The following PLCB1 variants were observed in gnomAD, a reference collection of about 807,000 sequenced individuals.
PLCB1 encodes the protein phospholipase C beta 1.
A neutral mutation model predicts 161.8 loss-of-function variants in PLCB1; 46 were observed. The ratio of observed to expected loss-of-function variants is 0.28; its 90% CI spans 0.22 to 0.36. The LOEUF (loss-of-function observed/expected upper bound fraction) is 0.36. Ranked by LOEUF, PLCB1 falls within the 10% of genes least tolerant of loss-of-function variation. The pLI, the probability that PLCB1 is intolerant of heterozygous loss-of-function variation, is 1.00. For synonymous variants in PLCB1, 517 were observed against 503.7 expected, an observed-to-expected ratio of 1.03 and a Z score of -0.35; for missense variants, 1,016 against 1,472.5, an observed-to-expected ratio of 0.69 and a Z score of 5.07.
At chr20:8,670,756 A>G (rs1989922722) in intron 9 of PLCB1, among the ~76,000 whole-genome samples, 1 of 152,234 alleles carries the variant, frequency 6.6e-6, no homozygotes, top group Non-Finnish European at 1.5e-5. Flanking sequence ...GTGCCCGGGC[A>G]AAGATAACTG....
intron 3 of PLCB1, among the ~76,000 whole-genome samples, chr20:8,557,007 T>TAAATA (rs1443498930): frequency 8.1e-6 from 1 of 123,846 alleles, no homozygotes; most frequent in African/African-American, 3.8e-5. Flanking sequence ...AATAAATAAA[T>TAAATA]AAATAAAATA....
At chr20:8,649,553 AG>A (rs1989254864) in intron 7 of PLCB1, 104 bp downstream of exon 7, 2 of 774,138 alleles carry the variant, frequency 2.6e-6, no homozygotes, top group Admixed American at 1.9e-5. Context: ...GGCCTTTAAG[AG>A]GAAATTAAGA....
intron 3 of PLCB1, among the ~76,000 whole-genome samples, chr20:8,582,164 A>T (rs1249868762): frequency 6.6e-6 from 1 of 152,144 alleles, no homozygotes; most frequent in East Asian, 1.9e-4. Context: ...TATTGTGGGG[A>T]TAGCCCAATG....
At chr20:8,190,712 G>A (rs949751148) in intron 2 of PLCB1, among the ~76,000 whole-genome samples, 4 of 152,078 alleles carry the variant, frequency 2.6e-5, no homozygotes, top group East Asian at 1.9e-4. Flanking sequence ...ATTTAAGGGC[G>A]AGCATTAACT....
intron 3 of PLCB1, among the ~76,000 whole-genome samples, chr20:8,423,096 C>G (rs1211637441): frequency 6.6e-6 from 1 of 152,070 alleles, no homozygotes; most frequent in African/African-American, 2.4e-5. Context: ...TACAACTTAA[C>G]CAGTTTTATT....
At chr20:8,717,904 C>T in intron 14 of PLCB1, 56 bp downstream of exon 14, 7 of 1,526,728 alleles carry the variant, frequency 4.6e-6, no homozygotes, top group Middle Eastern at 1.8e-4. Flanking sequence ...AGAATTGCTG[C>T]TCTGGGCTGT....
At chr20:8,232,384 A>G (rs1290514553) in intron 2 of PLCB1, among the ~76,000 whole-genome samples, 9 of 152,218 alleles carry the variant, frequency 5.9e-5, no homozygotes, top group Admixed American at 3.9e-4. Context: ...AATCAAATGC[A>G]AAATTATAAG....
chr20:8,264,497 A>G (rs1367377301), intron 2 of PLCB1, among the ~76,000 whole-genome samples: 1 of 152,208 alleles, frequency 6.6e-6, no homozygotes, highest in Non-Finnish European at 1.5e-5. Flanking sequence ...ATTATGTACT[A>G]TACATAATTT....
chr20:8,649,671 C>T, intron 7 of PLCB1: 2 of 540,628 alleles, frequency 3.7e-6, no homozygotes, highest in South Asian at 2.5e-5. Context: ...TCTTCCCCCT[C>T]ACCATCTGAT....
chr20:8,268,199 A>G (rs1435754526), intron 2 of PLCB1, among the ~76,000 whole-genome samples: 2 of 151,802 alleles, frequency 1.3e-5, no homozygotes, highest in Admixed American at 6.6e-5. Context: ...TCCCACCTAT[A>G]AGTGAGAACA....
At chr20:8,419,790 T>C (rs1979462456) in intron 3 of PLCB1, among the ~76,000 whole-genome samples, 1 of 152,184 alleles carries the variant, frequency 6.6e-6, no homozygotes, top group African/African-American at 2.4e-5. Context: ...TGGCAGGAAA[T>C]GGAACCAGCT....
intron 2 of PLCB1, among the ~76,000 whole-genome samples, chr20:8,351,893 G>T (rs1287382663): frequency 6.6e-6 from 1 of 152,050 alleles, no homozygotes; most frequent in Non-Finnish European, 1.5e-5. Flanking sequence ...TACTAATGGG[G>T]TTGCAAAATG....
intron 3 of PLCB1, among the ~76,000 whole-genome samples, chr20:8,525,584 A>G (rs1330949204): frequency 2.0e-5 from 3 of 152,166 alleles, no homozygotes; most frequent in Non-Finnish European, 4.4e-5. Context: ...TAAAAAGGAG[A>G]AATCAGGGAA....
At chr20:8,387,822 G>A (rs1208509172) in intron 3 of PLCB1, among the ~76,000 whole-genome samples, 1 of 152,106 alleles carries the variant, frequency 6.6e-6, no homozygotes, top group African/African-American at 2.4e-5. Context: ...GGGAGTTATT[G>A]TTTAGTGGGT....
chr20:8,301,779 G>A (rs894373110), intron 2 of PLCB1, among the ~76,000 whole-genome samples: 2 of 152,230 alleles, frequency 1.3e-5, no homozygotes, highest in Non-Finnish European at 2.9e-5. Flanking sequence ...TTATCCTCGG[G>A]AAATAATTGG....
At chr20:8,609,453 T>C (rs186062062) in intron 3 of PLCB1, among the ~76,000 whole-genome samples, 10 of 152,336 alleles carry the variant, frequency 6.6e-5, no homozygotes, top group African/African-American at 2.4e-4. Flanking sequence ...CCAAGCTAAA[T>C]GTGTCCTTCA....
intron 31 of PLCB1, chr20:8,802,150 G>A: frequency 6.2e-7 from 1 of 1,606,890 alleles, no homozygotes; most frequent in African/African-American, 1.3e-5. Flanking sequence ...GCTCTCAAGT[G>A]GTGACCACCG....
chr20:8,491,512 G>A (rs1351638473), intron 3 of PLCB1, among the ~76,000 whole-genome samples: 2 of 152,056 alleles, frequency 1.3e-5, no homozygotes, highest in East Asian at 1.9e-4. Flanking sequence ...TAATGTAAAC[G>A]TTGTCTAATG....
chr20:8,602,349 T>C (rs1442271911), intron 3 of PLCB1, among the ~76,000 whole-genome samples: 1 of 152,130 alleles, frequency 6.6e-6, no homozygotes, highest in Non-Finnish European at 1.5e-5. Flanking sequence ...TGTAGAGATA[T>C]TAATTAAAAT....
Sources: allele counts gnomAD v4.1 joint callset (sites outside exome capture counted in the v4.1 genomes callset), GRCh38; gene constraint gnomAD v4.1.1; transcripts MANE v1.5; gene names NCBI Gene and HGNC (gene_info 2026-07-23, HGNC 2026-07-21).